The following CAPRIN1 variants were observed in gnomAD, a reference collection of about 807,000 sequenced individuals.
CAPRIN1 encodes the protein caprin-1.
Under a neutral mutation model 100.9 loss-of-function variants are expected in CAPRIN1, and 29 were observed. The observed-to-expected ratio is 0.29, with a 90% CI of 0.21 to 0.39. The LOEUF (loss-of-function observed/expected upper bound fraction) is 0.39, where lower values mean the gene tolerates loss of function less well. Among genes scored for constraint, CAPRIN1 ranks in the 10% least tolerant of loss-of-function variants. CAPRIN1 has a pLI of 1.00. For missense variants in CAPRIN1, 795 were observed against 876.7 expected (o/e 0.91, Z 1.18); for synonymous variants, 338 against 307.5 (o/e 1.10, Z -1.04).
chr11:34,082,996 T>G lies in CAPRIN1; in HGVS notation c.921T>G (p.Ser307Arg). The G allele has an allele frequency of 1.2e-6, 2 of 1,614,066 alleles. No individual in the cohort carries two copies. Among genetic ancestry groups the G allele is most frequent in the Non-Finnish European group, 1.7e-6 (2 of 1,179,944 alleles). The change falls in exon 9 of 19, where the codon AGT becomes AGG. Residue 307 changes from serine (S) to arginine (R), a missense_variant. Transcript: ENST00000341394. ...TCATGGCAGAAACACAGTTCACCAG[T>G]GGTGAAAAGGAGCAGGTAGATGAGT... ...RQFMAETQFT[S>R]GEKEQVDEWT...
rs765167751 is a variant in CAPRIN1, at chr11:34,097,238, A to G, written c.1943A>G (p.Asn648Ser). ...CGCCCTTCATTCTCTAACACTCCAAACAGTGGTTATACACAGTCTCAGTTC... is the reference window on the plus strand; with the variant it reads ...CGCCCTTCATTCTCTAACACTCCAAGCAGTGGTTATACACAGTCTCAGTTC... ...GYRPSFSNTP[N>S]SGYTQSQFSA... Residue 648 changes from asparagine (N) to serine (S), a missense_variant, in exon 17 of 19, where the codon AAC (asparagine) becomes AGC (serine). Transcript: ENST00000341394. The G allele has an allele frequency of 6.2e-7, 1 of 1,614,074 alleles. No individual in the cohort carries two copies. The highest frequency in any genetic ancestry group is 1.7e-5 in the Admixed American group (1 of 60,028).
intron 7 of CAPRIN1, 36 bp from the exon 8 acceptor site, chr11:34,082,789 A>G (rs1343568166): frequency 6.4e-7 from 1 of 1,571,512 alleles, no homozygotes; most frequent in Non-Finnish European, 8.7e-7. Context: ...CTGACCTAAA[A>G]ATCCTTTTGT....
chr11:34,091,731 C>T, intron 14 of CAPRIN1, 175 bp from the exon 15 acceptor site: 1 of 593,902 alleles, frequency 1.7e-6, no homozygotes, highest in Non-Finnish European at 3.0e-6. Context: ...GTATATATGT[C>T]TTTTTCCACA....
intron 12 of CAPRIN1, chr11:34,089,941 T>C (rs779291910): frequency 1.4e-5 from 4 of 284,182 alleles, no homozygotes; most frequent in Non-Finnish European, 2.6e-5. Flanking sequence ...GAAGTACTTG[T>C]GGAGGGCTTT....
chr11:34,058,967 G>A (rs867411793), intron 2 of CAPRIN1, among the ~76,000 whole-genome samples: 2 of 152,276 alleles, frequency 1.3e-5, no homozygotes, highest in Middle Eastern at 6.8e-3. Flanking sequence ...GAAATGAATG[G>A]TGTGTGTGTA....
intron 2 of CAPRIN1, 117 bp downstream of exon 2, chr11:34,052,753 C>A (rs1176431667): frequency 4.3e-6 from 6 of 1,391,572 alleles, no homozygotes; most frequent in East Asian, 5.0e-5. Context: ...TAGGTCCCCT[C>A]CTCCCACCCC....
intron 2 of CAPRIN1, among the ~76,000 whole-genome samples, chr11:34,057,688 ACT>A (rs1465133266): frequency 6.6e-6 from 1 of 152,124 alleles, no homozygotes; most frequent in Non-Finnish European, 1.5e-5. Flanking sequence ...ATAATCTTAC[ACT>A]GTTATAAAAT....
At chr11:34,099,214 A>G in intron 18 of CAPRIN1, 89 bp from the exon 19 acceptor site, 1 of 1,559,990 alleles carries the variant, frequency 6.4e-7, no homozygotes, top group Non-Finnish European at 8.8e-7. Context: ...CAGGCTGCCC[A>G]CATGCTTCTT....
intron 2 of CAPRIN1, among the ~76,000 whole-genome samples, chr11:34,058,878 A>G (rs1171324175): frequency 3.3e-5 from 5 of 152,234 alleles, no homozygotes; most frequent in Non-Finnish European, 5.9e-5. Flanking sequence ...AGAAATAAGA[A>G]GTGTGACAAC....
chr11:34,066,771 A>T (rs2134097279), intron 2 of CAPRIN1, among the ~76,000 whole-genome samples: 1 of 146,502 alleles, frequency 6.8e-6, no homozygotes, highest in Admixed American at 7.0e-5. Context: ...GACTACAAGC[A>T]TATGCCACCA....
intron 2 of CAPRIN1, chr11:34,063,175 T>G (rs1850616688): frequency 1.3e-5 from 2 of 152,262 alleles, no homozygotes; most frequent in East Asian, 3.9e-4. Flanking sequence ...AAAAACTTCT[T>G]GGGAAGAATG....
intron 7 of CAPRIN1, among the ~76,000 whole-genome samples, chr11:34,080,560 A>G (rs1851007513): frequency 6.6e-6 from 1 of 152,170 alleles, no homozygotes. Context: ...TTTCCAGTTA[A>G]TTTTATCATG....
intron 11 of CAPRIN1, among the ~76,000 whole-genome samples, chr11:34,088,050 TGCAGTGGC>T (rs1430751398): frequency 6.6e-5 from 10 of 152,202 alleles, no homozygotes; most frequent in Non-Finnish European, 1.2e-4. Flanking sequence ...CAGGCTGGAG[TGCAGTGGC>T]GCATTCTTGG....
At chr11:34,085,809 A>G (rs942736898) in intron 9 of CAPRIN1, among the ~76,000 whole-genome samples, 1 of 151,812 alleles carries the variant, frequency 6.6e-6, no homozygotes, top group Non-Finnish European at 1.5e-5. Context: ...GTCTCGAAAG[A>G]AAAAAAAATA....
At chr11:34,087,827 A>T (rs920904308) in intron 11 of CAPRIN1, among the ~76,000 whole-genome samples, 5 of 152,188 alleles carry the variant, frequency 3.3e-5, no homozygotes, top group African/African-American at 1.2e-4. Flanking sequence ...TATTTACATA[A>T]TGCTGAGTCC....
chr11:34,071,295 G>A (rs994707072), intron 2 of CAPRIN1, among the ~76,000 whole-genome samples: 1 of 152,186 alleles, frequency 6.6e-6, no homozygotes, highest in African/African-American at 2.4e-5. Flanking sequence ...TGGGCGCGGT[G>A]GCTCATGCCT....
intron 2 of CAPRIN1, among the ~76,000 whole-genome samples, chr11:34,059,428 C>G (rs1206568768): frequency 6.6e-6 from 1 of 152,128 alleles, no homozygotes; most frequent in Admixed American, 6.5e-5. Flanking sequence ...GCCACCACAC[C>G]TGGCTAATTT....
chr11:34,065,866 C>G, intron 2 of CAPRIN1, among the ~76,000 whole-genome samples: 1 of 152,254 alleles, frequency 6.6e-6, no homozygotes, highest in East Asian at 1.9e-4. Context: ...TAGGCAAGGA[C>G]AGGGGATAGG....
chr11:34,088,264 A>G (rs1851190539), intron 11 of CAPRIN1, among the ~76,000 whole-genome samples: 1 of 152,140 alleles, frequency 6.6e-6, no homozygotes, highest in South Asian at 2.1e-4. Context: ...CGGCCTCCCA[A>G]AGTGCTGGGA....
Sources: allele counts gnomAD v4.1 joint callset (sites outside exome capture counted in the v4.1 genomes callset), GRCh38; gene constraint gnomAD v4.1.1; transcripts MANE v1.5; gene names NCBI Gene and HGNC (gene_info 2026-07-23, HGNC 2026-07-21).